ADAM19: variants seen among roughly 807,000 people sequenced by gnomAD.
ADAM19 encodes ADAM metallopeptidase domain 19, also known as disintegrin and metalloproteinase domain-containing protein 19.
ADAM19 carries 65 observed loss-of-function variants against 114.7 expected under a neutral mutation model. That is an observed-to-expected ratio of 0.57 (90% CI 0.46 to 0.70). The LOEUF is 0.70. ADAM19 is among the 30% of genes least tolerant of loss of function. The pLI, the probability that ADAM19 is intolerant of heterozygous loss-of-function variation, is 0.00. For synonymous variants in ADAM19, 466 were observed against 460.5 expected, an observed-to-expected ratio of 1.01 and a Z score of -0.15; for missense variants, 1,063 against 1,204.7, an observed-to-expected ratio of 0.88 and a Z score of 1.74.
intron 7 of ADAM19, among the ~76,000 whole-genome samples, chr5:157,516,520 G>A (rs963311154): frequency 6.6e-6 from 1 of 152,152 alleles, no homozygotes; most frequent in Non-Finnish European, 1.5e-5. Flanking sequence ...TTCACACCCA[G>A]TGGGTTTGAA....
At chr5:157,538,315 G>A (rs763490963) in intron 3 of ADAM19, among the ~76,000 whole-genome samples, 8 of 151,636 alleles carry the variant, frequency 5.3e-5, no homozygotes, top group African/African-American at 9.7e-5. Context: ...AAAATTTCCC[G>A]GGGCCTATGA....
chr5:157,493,880 T>C (rs1755258690), intron 15 of ADAM19, among the ~76,000 whole-genome samples: 1 of 152,230 alleles, frequency 6.6e-6, no homozygotes, highest in Non-Finnish European at 1.5e-5. Flanking sequence ...AGTTTTTCTC[T>C]ATTCATCTCT....
intron 3 of ADAM19, among the ~76,000 whole-genome samples, chr5:157,561,328 G>T (rs1012742075): frequency 2.6e-5 from 4 of 152,146 alleles, no homozygotes; most frequent in African/African-American, 9.7e-5. Flanking sequence ...CATTCTTGGC[G>T]ATCTCTCCAT....
chr5:157,488,695 C>T (rs113131227), intron 20 of ADAM19, among the ~76,000 whole-genome samples: 61 of 152,260 alleles, frequency 4.0e-4, no homozygotes, highest in African/African-American at 1.4e-3. Flanking sequence ...AATAAAAGGG[C>T]TTTTATTACC....
At chr5:157,560,425 C>T (rs993066342) in intron 3 of ADAM19, among the ~76,000 whole-genome samples, 1 of 152,120 alleles carries the variant, frequency 6.6e-6, no homozygotes, top group Non-Finnish European at 1.5e-5. Flanking sequence ...GAGGTCAATG[C>T]TATGTCCACT....
chr5:157,497,241 AC>A, intron 13 of ADAM19, 152 bp from the exon 14 acceptor site: 1 of 606,046 alleles, frequency 1.7e-6, no homozygotes, highest in Non-Finnish European at 2.6e-6. Flanking sequence ...AGCCCAAACC[AC>A]CTTCAGCCTT....
At chr5:157,487,243 C>T (rs1209421688) in intron 21 of ADAM19, among the ~76,000 whole-genome samples, 1 of 152,074 alleles carries the variant, frequency 6.6e-6, no homozygotes, top group Non-Finnish European at 1.5e-5. Context: ...TCAATCTTTC[C>T]TCTCTTTCTG....
At chr5:157,525,623 T>C (rs139724285) in intron 5 of ADAM19, among the ~76,000 whole-genome samples, 1 of 151,800 alleles carries the variant, frequency 6.6e-6, no homozygotes, top group Non-Finnish European at 1.5e-5. Flanking sequence ...TTGGATAGAG[T>C]AGGGGCCTGT....
In ADAM19 at chr5:157,481,657, G is replaced by A. The variant is rs1364620530; in HGVS notation, c.2703+134C>T. 1.2e-5 allele frequency: 19 copies of A among 1,551,528 alleles called. No individual in the cohort carries two copies. The Admixed American group carries it at 1.8e-4, about 14-fold the overall frequency. On this transcript the variant is annotated intron_variant, in intron 22 of 22. Coordinates refer to ENST00000257527, the MANE Select transcript of ADAM19 (RefSeq NM_033274.5). Reference sequence around the variant, plus strand: ...GGGCACCAAGAAACATGAATGTTTTGCCCTTGGCTTTTGTTCTGGAAGTTC... The same window carrying A: ...GGGCACCAAGAAACATGAATGTTTTACCCTTGGCTTTTGTTCTGGAAGTTC...
rs764048185 is a variant in ADAM19, at chr5:157,488,346, A to T, written c.2469T>A (p.Ser823=). The change falls in exon 21 of 23, where the codon TCT becomes TCA. Residue 823 remains serine (S), a synonymous_variant. Coordinates refer to ENST00000257527, the MANE Select transcript of ADAM19 (RefSeq NM_033274.5). ...RAARNSPGPG[S]QIERTESSRR... is the part of the protein sequence containing the mutation. ...TGGACGACTCCGTCCTCTCTATTTGAGACCCGGGCCCTGGGGAGTTCCTAG... is the reference window on the plus strand; with the variant it reads ...TGGACGACTCCGTCCTCTCTATTTGTGACCCGGGCCCTGGGGAGTTCCTAG... 1.2e-6 allele frequency: 2 copies of T among 1,614,170 alleles called. No individual in the cohort carries two copies. The highest frequency in any genetic ancestry group is 2.2e-5 in the East Asian group (1 of 44,878).
intron 21 of ADAM19, among the ~76,000 whole-genome samples, chr5:157,487,305 G>C (rs1175397405): frequency 6.6e-6 from 1 of 152,100 alleles, no homozygotes; most frequent in Non-Finnish European, 1.5e-5. Flanking sequence ...GGGGAGAGCA[G>C]CAGTTTCACA....
chr5:157,511,508 C>G (rs1043483500), intron 8 of ADAM19, among the ~76,000 whole-genome samples: 2 of 152,142 alleles, frequency 1.3e-5, no homozygotes, highest in African/African-American at 4.8e-5. Context: ...AAGATGGGCT[C>G]CAGATTCAGT....
intron 13 of ADAM19, among the ~76,000 whole-genome samples, chr5:157,498,689 T>TATATATAG (rs1491216924): frequency 6.9e-5 from 1 of 14,518 alleles, no homozygotes. Context: ...TGTGTGTATG[T>TATATATAG]ATATATATAT....
intron 5 of ADAM19, among the ~76,000 whole-genome samples, chr5:157,520,951 C>G (rs547085016): frequency 6.6e-6 from 1 of 152,210 alleles, no homozygotes; most frequent in South Asian, 2.1e-4. Context: ...GCTCCTGCTA[C>G]GGGCCAGGTA....
intron 22 of ADAM19, chr5:157,481,547 C>T: frequency 7.0e-7 from 1 of 1,438,094 alleles, no homozygotes; most frequent in Non-Finnish European, 9.2e-7. Context: ...CTCCCCAGGT[C>T]AGGTGCAGGG....
Position 157,490,268 on chromosome 5 carries a change from C to T in ADAM19, c.2240+42G>A, listed in dbSNP as rs1395417309. On this transcript the variant is annotated intron_variant, in intron 19 of 22. Transcript: ENST00000257527. ...GTACCATTTATGGAGACCTTTGTGA[C>T]CCATAAATTGACCCTGAGTCCTCCA... 5 of 1,609,246 alleles carry T rather than the reference C, an allele frequency of 3.1e-6. No individual in the cohort carries two copies. The South Asian group carries it at 5.5e-5, about 18-fold the overall frequency.
At chr5:157,505,276 T>G (rs974554220) in intron 11 of ADAM19, among the ~76,000 whole-genome samples, 7 of 152,062 alleles carry the variant, frequency 4.6e-5, no homozygotes, top group Non-Finnish European at 8.8e-5. Context: ...CATCGGAGCT[T>G]TCAGTGAAGC....
intron 10 of ADAM19, among the ~76,000 whole-genome samples, chr5:157,506,193 C>CT: frequency 6.6e-6 from 1 of 152,280 alleles, no homozygotes; most frequent in East Asian, 1.9e-4. Flanking sequence ...ATAGGGTGTA[C>CT]TTGGCTTAGT....
chr5:157,574,739 G>A (rs1204876585), intron 1 of ADAM19, among the ~76,000 whole-genome samples: 1 of 152,200 alleles, frequency 6.6e-6, no homozygotes, highest in East Asian at 1.9e-4. Flanking sequence ...GCCCCCGAGG[G>A]ATGGAGCCGG....
Sources: allele counts gnomAD v4.1 joint callset (sites outside exome capture counted in the v4.1 genomes callset), GRCh38; gene constraint gnomAD v4.1.1; transcripts MANE v1.5; gene names NCBI Gene and HGNC (gene_info 2026-07-23, HGNC 2026-07-21).